Variants in KDM5B observed in about 807,000 individuals in gnomAD.
The protein encoded by KDM5B is lysine demethylase 5B, also known as lysine-specific demethylase 5B.
In KDM5B, 144 loss-of-function variants were observed where a neutral mutation model predicts 193.4. The ratio of observed to expected loss-of-function variants is 0.74; its 90% CI spans 0.65 to 0.86. KDM5B has a LOEUF of 0.86. KDM5B is among the 40% of genes least tolerant of loss of function. KDM5B has a pLI of 0.00. For synonymous variants in KDM5B, 668 were observed against 682.6 expected (o/e 0.98, Z 0.33); for missense variants, 1,833 against 1,886.9 (o/e 0.97, Z 0.53).
At chr1:202,758,332 G>T in intron 9 of KDM5B, 59 bp downstream of exon 9, 1 of 1,470,004 alleles carries the variant, frequency 6.8e-7, no homozygotes, top group Non-Finnish European at 9.2e-7. Context: ...GGGTCTTCAG[G>T]TACACTTTTC....
chr1:202,740,357 G>A lies in KDM5B; in HGVS notation c.3084+317C>T, dbSNP rs1316418644. 2.0e-4 allele frequency among the ~76,000 whole-genome samples: 27 copies of A among 134,334 alleles called. 6 individuals carry two copies. The Admixed American group carries it at 2.0e-3, about 10-fold the overall frequency. The allele number at this position is 134,334 out of a possible 152,430, so 88.1% of individuals were successfully genotyped here. ...GGACGGGGTGGCCGGCCGGGCGGGGGGCTGACCCCCCCACCTCCCTCCCGG... is the reference window on the plus strand; with the variant it reads ...GGACGGGGTGGCCGGCCGGGCGGGGAGCTGACCCCCCCACCTCCCTCCCGG... On this transcript the variant is annotated intron_variant, in intron 20 of 26. Transcript: ENST00000367265.
chr1:202,790,937 C>G lies in KDM5B; in HGVS notation c.205-13843G>C, dbSNP rs138487433. Among the ~76,000 whole-genome samples the G allele has an allele frequency of 7.7e-4, 117 of 152,078 alleles. 2 individuals carry two copies. The East Asian group carries it at 0.02, about 26-fold the overall frequency. The stretch of plus-strand genomic sequence containing the variant: ...TAAATTTCTATTATTTATAAATTAC[C>G]CAGTCTCAGATATAGTTATATCAAC... On this transcript the variant is annotated intron_variant, in intron 1 of 26. Transcript: ENST00000367265.
chr1:202,743,894 A>T (rs1308246743), intron 16 of KDM5B, among the ~76,000 whole-genome samples: 1 of 152,238 alleles, frequency 6.6e-6, no homozygotes, highest in African/African-American at 2.4e-5. Context: ...AAAACCCTGG[A>T]TGACAACCTA....
At chr1:202,766,625 T>A (rs940834319) in intron 5 of KDM5B, 4 of 461,130 alleles carry the variant, frequency 8.7e-6, no homozygotes, top group African/African-American at 4.1e-5. Flanking sequence ...ACGCCAATTT[T>A]GTGAGGGTAA....
At chr1:202,732,127 C>T in intron 23 of KDM5B, 188 bp from the exon 24 acceptor site, 3 of 544,014 alleles carry the variant, frequency 5.5e-6, no homozygotes, top group Non-Finnish European at 9.6e-6. Flanking sequence ...CATATCTTCC[C>T]AAAGACCAAG....
intron 20 of KDM5B, among the ~76,000 whole-genome samples, chr1:202,738,735 T>G (rs1239338563): frequency 6.6e-6 from 1 of 152,162 alleles, no homozygotes; most frequent in Admixed American, 6.5e-5. Flanking sequence ...TGGTTTATGA[T>G]GATAAGAGAT....
At chr1:202,729,632 A>T (rs1654799320) in intron 26 of KDM5B, 75 bp downstream of exon 26, 1 of 1,281,616 alleles carries the variant, frequency 7.8e-7, no homozygotes, top group African/African-American at 1.5e-5. Context: ...AGAAAGACCC[A>T]GCGAGATGAG....
chr1:202,752,764 G>A, intron 12 of KDM5B, 141 bp downstream of exon 12: 6 of 750,910 alleles, frequency 8.0e-6, no homozygotes, highest in East Asian at 2.6e-5. Flanking sequence ...GTACAGTACT[G>A]CAGCAAAACA....
intron 8 of KDM5B, 87 bp downstream of exon 8, chr1:202,760,318 AAAAATAAAAT>A: frequency 2.2e-6 from 2 of 902,768 alleles, no homozygotes; most frequent in Non-Finnish European, 1.6e-6. Context: ...CTTGTCTAAA[AAAAATAAAAT>A]AAAATAAAAT....
intron 23 of KDM5B, 99 bp from the exon 24 acceptor site, chr1:202,732,038 A>T: frequency 1.3e-4 from 68 of 503,882 alleles, no homozygotes; most frequent in East Asian, 2.9e-4. Context: ...GCAGGCAACC[A>T]GGGGAAAAAA....
At chr1:202,730,757 T>A in intron 25 of KDM5B, 152 bp downstream of exon 25, 1 of 636,244 alleles carries the variant, frequency 1.6e-6, no homozygotes. Context: ...CATTAAGGAG[T>A]ATCCTTCAAC....
chr1:202,771,939 T>TA (rs879665588), intron 4 of KDM5B, among the ~76,000 whole-genome samples: 15 of 149,950 alleles, frequency 1.0e-4, no homozygotes, highest in Non-Finnish European at 2.1e-4. Flanking sequence ...TATAATGTAT[T>TA]AAAAAAAAAA....
In KDM5B at chr1:202,777,101, G is replaced by T; in HGVS notation, c.205-7C>A. 6.2e-7 allele frequency: 1 copy of T among 1,605,978 alleles called. No homozygotes were observed. The highest frequency in any genetic ancestry group is 8.5e-7 in the Non-Finnish European group (1 of 1,172,856). On this transcript the variant is annotated splice_region_variant and splice_polypyrimidine_tract_variant and intron_variant, in intron 1 of 26. Coordinates refer to ENST00000367265, the MANE Select transcript of KDM5B (RefSeq NM_006618.5). ...CAAATGGTGGCTGCCAATCCTAGGAGAAAGCAAAGGCTCTTATTAGAATAA... is the reference window on the plus strand; with the variant it reads ...CAAATGGTGGCTGCCAATCCTAGGATAAAGCAAAGGCTCTTATTAGAATAA...
In KDM5B at chr1:202,768,960, C is replaced by T. The variant is rs1404779377; in HGVS notation, c.577-1900G>A. 3.3e-5 allele frequency among the ~76,000 whole-genome samples: 5 copies of T among 151,704 alleles called. No homozygotes were observed. In the South Asian group the frequency reaches 6.3e-4, roughly 19 times the overall value. ...AACTCCTGACCTCAGGTGATCAGCC[C>T]GCCTCAGCCTCCCAAAGTGCTGGGA... On this transcript the variant is annotated intron_variant, in intron 4 of 26. Coordinates refer to ENST00000367265, the MANE Select transcript of KDM5B (RefSeq NM_006618.5).
chr1:202,772,290 TA>T (rs1405753190), intron 4 of KDM5B, among the ~76,000 whole-genome samples: 1 of 152,220 alleles, frequency 6.6e-6, no homozygotes, highest in Non-Finnish European at 1.5e-5. Context: ...CTGTTTTACC[TA>T]AAAGTTTTTA....
chr1:202,785,777 G>A (rs1390931422), intron 1 of KDM5B, among the ~76,000 whole-genome samples: 2 of 151,988 alleles, frequency 1.3e-5, no homozygotes, highest in Non-Finnish European at 2.9e-5. Flanking sequence ...CGGTGTGGTG[G>A]TGCACACCTG....
At chr1:202,755,650 T>C (rs996106915) in intron 10 of KDM5B, among the ~76,000 whole-genome samples, 198 bp from the exon 11 acceptor site, 21 of 152,184 alleles carry the variant, frequency 1.4e-4, no homozygotes, top group African/African-American at 5.1e-4. Context: ...ACACAGCACA[T>C]ACTTCTGTAT....
At chr1:202,739,401 A>G (rs1307630402) in intron 20 of KDM5B, among the ~76,000 whole-genome samples, 2 of 152,100 alleles carry the variant, frequency 1.3e-5, no homozygotes, top group African/African-American at 4.8e-5. Context: ...CTGTGCAGCA[A>G]GATCCAACGT....
chr1:202,770,841 T>C (rs1572748559), intron 4 of KDM5B, among the ~76,000 whole-genome samples: 1 of 152,242 alleles, frequency 6.6e-6, no homozygotes, highest in Non-Finnish European at 1.5e-5. Context: ...CTACAAAGAA[T>C]GTGTATCACT....
Sources: gnomAD v4.1 joint callset for allele counts (sites outside exome capture counted in the v4.1 genomes callset) on GRCh38, gnomAD v4.1.1 for gene constraint, MANE v1.5 for transcripts, NCBI Gene and HGNC (gene_info 2026-07-23, HGNC 2026-07-21) for gene names.